Variants in UGT1A4 observed in about 807,000 individuals in gnomAD.
UGT1A4 encodes the protein UDP glucuronosyltransferase family 1 member A4, also known as UDP-glucuronosyltransferase 1A4.
UGT1A4 carries 32 observed loss-of-function variants against 41.1 expected under a neutral mutation model. The ratio of observed to expected loss-of-function variants is 0.78; its 90% CI spans 0.59 to 1.05. UGT1A4 has a LOEUF of 1.05. Ranked by LOEUF, UGT1A4 falls within the 50% of genes least tolerant of loss-of-function variation. The probability of loss-of-function intolerance (pLI) is 0.00; values close to 1 mark genes in which losing one functional copy is unlikely to be tolerated. For missense variants in UGT1A4, 748 were observed against 677.4 expected (o/e 1.10, Z -1.16); for synonymous variants, 283 against 265.1 (o/e 1.07, Z -0.66).
intron 1 of UGT1A4, among the ~76,000 whole-genome samples, chr2:233,742,157 G>GAC (rs1409111840): frequency 6.6e-6 from 1 of 151,878 alleles, no homozygotes; most frequent in Non-Finnish European, 1.5e-5. Context: ...ACGAATTAAA[G>GAC]ACACACACAC....
chr2:233,759,597 C>T (rs1299391040), intron 1 of UGT1A4, among the ~76,000 whole-genome samples: 1 of 140,706 alleles, frequency 7.1e-6, no homozygotes, highest in Admixed American at 7.3e-5. Flanking sequence ...CCCCCACCCC[C>T]GACCCGCCCC....
In UGT1A4 at chr2:233,772,418, T is replaced by C. The variant is rs768461412; in HGVS notation, c.1464T>C (p.His488=). The change falls in exon 5 of 5, where the codon CAT becomes CAC. Residue 488 remains histidine (H), a synonymous_variant. Transcript: ENST00000373409. ...ACGACCTCACCTGGTACCAGTACCA[T>C]TCCTTGGACGTGATTGGTTTCCTCT... ...AAHDLTWYQY[H]SLDVIGFLLA... 3 of 1,614,060 alleles carry C rather than the reference T, an allele frequency of 1.9e-6. No individual in the cohort carries two copies. In the Admixed American group the frequency reaches 5.0e-5, roughly 27 times the overall value.
intron 1 of UGT1A4, among the ~76,000 whole-genome samples, chr2:233,763,590 A>G (rs772976697): frequency 6.6e-6 from 1 of 152,156 alleles, no homozygotes; most frequent in Non-Finnish European, 1.5e-5. Flanking sequence ...TTCCTTTGTT[A>G]ACTAAAAATG....
At chr2:233,738,868 CT>C (rs1348396739) in intron 1 of UGT1A4, 1 of 152,334 alleles carries the variant, frequency 6.6e-6, no homozygotes, top group South Asian at 2.1e-4. Flanking sequence ...GGGAAAATGG[CT>C]CCAGGGCATG....
At chr2:233,740,525 C>G (rs1027411226) in intron 1 of UGT1A4, among the ~76,000 whole-genome samples, 1 of 151,910 alleles carries the variant, frequency 6.6e-6, no homozygotes, top group Non-Finnish European at 1.5e-5. Context: ...GAACTAAAAT[C>G]AGCTGTGTTG....
Position 233,725,032 on chromosome 2 carries a change from C to T in UGT1A4, c.867+5345C>T, listed in dbSNP as rs1050826468. ...GCCAAACAGCAAAACCCGGTCTCCA[C>T]CAAAACCAGTCAGGCGTGGCGGCGC... On this transcript the variant is annotated intron_variant, in intron 1 of 4. Transcript: ENST00000373409. Among the ~76,000 whole-genome samples the T allele has an allele frequency of 4.4e-4, 66 of 148,404 alleles. 5 individuals are homozygous for T. Among genetic ancestry groups the T allele is most frequent in the Non-Finnish European group, 7.9e-4 (53 of 67,350 alleles).
intron 1 of UGT1A4, chr2:233,729,964 A>G: frequency 6.2e-7 from 1 of 1,614,074 alleles, no homozygotes; most frequent in East Asian, 2.2e-5. Context: ...TGGGGGCATC[A>G]ACTGTGCCAA....
intron 1 of UGT1A4, among the ~76,000 whole-genome samples, chr2:233,733,498 T>C (rs1311327798): frequency 2.0e-5 from 3 of 152,236 alleles, no homozygotes; most frequent in Non-Finnish European, 4.4e-5. Context: ...ACCTAGTTTA[T>C]TGCCAGTTTT....
chr2:233,744,938 G>A (rs940061009), intron 1 of UGT1A4, among the ~76,000 whole-genome samples: 6 of 151,930 alleles, frequency 3.9e-5, no homozygotes, highest in African/African-American at 1.5e-4. Flanking sequence ...AAATGACACA[G>A]TATTTGTATA....
Position 233,767,220 on chromosome 2 carries a change from C to T in UGT1A4, c.999+55C>T. 2.5e-6 allele frequency: 4 copies of T among 1,611,656 alleles called. No individual in the cohort carries two copies. In the South Asian group the frequency reaches 4.4e-5, roughly 18 times the overall value. ...TCTATTTTCACAGGAGCGCTAATCC[C>T]AGACTTCCAGCTTCCAGATTAATTC... On this transcript the variant is annotated intron_variant, in intron 2 of 4. Coordinates refer to ENST00000373409, the MANE Select transcript of UGT1A4 (RefSeq NM_007120.3).
At chr2:233,766,965 T>C in intron 1 of UGT1A4, 69 bp from the exon 2 acceptor site, 1 of 1,608,636 alleles carries the variant, frequency 6.2e-7, no homozygotes, top group Non-Finnish European at 8.5e-7. Context: ...ATCTAATTCA[T>C]AACTTACTGT....
At chr2:233,730,021 A>G (rs1183209625) in intron 1 of UGT1A4, 7 of 1,613,586 alleles carry the variant, frequency 4.3e-6, no homozygotes, top group Non-Finnish European at 5.9e-6. Flanking sequence ...CATCCAATCA[A>G]TGTTCCAGGC....
intron 1 of UGT1A4, among the ~76,000 whole-genome samples, chr2:233,737,754 T>C (rs1342701991): frequency 6.6e-6 from 1 of 152,182 alleles, no homozygotes; most frequent in Non-Finnish European, 1.5e-5. Context: ...AGTTTTTCAA[T>C]GTGAACATAT....
At chr2:233,758,458 C>T (rs1696885230) in intron 1 of UGT1A4, among the ~76,000 whole-genome samples, 1 of 152,224 alleles carries the variant, frequency 6.6e-6, no homozygotes, top group Non-Finnish European at 1.5e-5. Context: ...GAAGAATTAT[C>T]ACCCTTAAGG....
Position 233,754,866 on chromosome 2 carries a change from C to G in UGT1A4, c.868-12168C>G, listed in dbSNP as rs1321579990. 5 of 1,351,528 alleles carry G rather than the reference C, an allele frequency of 3.7e-6. No homozygotes were observed. In the South Asian group the frequency reaches 5.7e-5, roughly 15 times the overall value. 83.7% of individuals were successfully genotyped at this position (1,351,528 alleles called of 1,614,324 possible). On this transcript the variant is annotated intron_variant, in intron 1 of 4. Transcript: ENST00000373409. ...GGCAGAGAAAAGGGGTGCAGACCCT[C>G]TGCTTCTGCTTCCCAGGGAGTTCCT...
chr2:233,725,060 G>T (rs969335161), intron 1 of UGT1A4, among the ~76,000 whole-genome samples: 5 of 147,180 alleles, frequency 3.4e-5, no homozygotes, highest in African/African-American at 1.0e-4. Flanking sequence ...GGCGGCGCGC[G>T]CCTGCAATCG....
chr2:233,729,728 A>G (rs373493601), intron 1 of UGT1A4: 1 of 1,613,928 alleles, frequency 6.2e-7, no homozygotes, highest in Non-Finnish European at 8.5e-7. Flanking sequence ...CTAACAACCA[A>G]TTCAGACCAC....
At chr2:233,760,220 G>A (rs1697349973) in intron 1 of UGT1A4, 6 of 1,593,686 alleles carry the variant, frequency 3.8e-6, no homozygotes, top group African/African-American at 1.4e-5. Flanking sequence ...TTGGTGTATC[G>A]ATTGGTTTTT....
chr2:233,729,873 C>A, intron 1 of UGT1A4: 1 of 1,613,864 alleles, frequency 6.2e-7, no homozygotes, highest in Non-Finnish European at 8.5e-7. Context: ...TGGATATTCT[C>A]AGTCATGCAT....
Sources: allele counts gnomAD v4.1 joint callset (sites outside exome capture counted in the v4.1 genomes callset), GRCh38; gene constraint gnomAD v4.1.1; transcripts MANE v1.5; gene names NCBI Gene and HGNC (gene_info 2026-07-23, HGNC 2026-07-21).